Variants in NKD2 observed in about 807,000 individuals in gnomAD.
NKD2 encodes NKD inhibitor of Wnt signaling pathway 2.
Under a neutral mutation model 34.8 loss-of-function variants are expected in NKD2, and 43 were observed. The ratio of observed to expected loss-of-function variants is 1.24; its 90% CI spans 0.97 to 1.60. NKD2 has a LOEUF of 1.60. Ranked by LOEUF, NKD2 falls within the 40% of genes most tolerant of loss-of-function variation. The pLI, the probability that NKD2 is intolerant of heterozygous loss-of-function variation, is 0.00. For synonymous variants in NKD2, 278 were observed against 265.1 expected (o/e 1.05, Z -0.47); for missense variants, 675 against 627.1 (o/e 1.08, Z -0.82).
intron 3 of NKD2, among the ~76,000 whole-genome samples, chr5:1,030,599 G>T (rs1242306732): frequency 6.6e-6 from 1 of 152,200 alleles, no homozygotes; most frequent in East Asian, 1.9e-4. Flanking sequence ...TTGGTTTTAT[G>T]CCAGCGTCCA....
intron 3 of NKD2, among the ~76,000 whole-genome samples, chr5:1,020,669 CTTTTTT>C (rs576773512): frequency 2.6e-5 from 3 of 114,218 alleles, no homozygotes; most frequent in Admixed American, 1.8e-4. Flanking sequence ...TGTTGCTTGT[CTTTTTT>C]TTTTTTTTTT....
intron 4 of NKD2, 127 bp from the exon 5 acceptor site, chr5:1,033,245 C>T (rs1413460716): frequency 1.1e-6 from 1 of 926,480 alleles, no homozygotes; most frequent in Non-Finnish European, 1.6e-6. Flanking sequence ...CAAGATCGGG[C>T]TCTCAGCTCA....
intron 3 of NKD2, among the ~76,000 whole-genome samples, chr5:1,031,260 G>T (rs1382616848): frequency 6.6e-6 from 1 of 152,164 alleles, no homozygotes; most frequent in African/African-American, 2.4e-5. Flanking sequence ...GGACTGTGAG[G>T]GCAGTCCCAG....
intron 3 of NKD2, among the ~76,000 whole-genome samples, chr5:1,015,108 G>C (rs1009435547): frequency 3.3e-5 from 5 of 152,234 alleles, no homozygotes; most frequent in African/African-American, 1.2e-4. Flanking sequence ...AGGTGTGGCC[G>C]GGCCCCTTCC....
At chr5:1,031,887 G>C (rs1169240059) in intron 3 of NKD2, among the ~76,000 whole-genome samples, 10 of 152,188 alleles carry the variant, frequency 6.6e-5, no homozygotes, top group African/African-American at 2.4e-5. Context: ...AGCACTGACT[G>C]AAGGGGTCAT....
intron 4 of NKD2, 36 bp from the exon 5 acceptor site, chr5:1,033,336 C>G (rs1156990315): frequency 6.4e-7 from 1 of 1,564,224 alleles, no homozygotes. Flanking sequence ...TCCATGTGCC[C>G]TCTGCCAGCC....
intron 9 of NKD2, chr5:1,036,839 G>GGCAGTGTGGACA: frequency 2.2e-6 from 1 of 455,940 alleles, no homozygotes; most frequent in Non-Finnish European, 4.4e-6. Context: ...GTGGACAACA[G>GGCAGTGTGGACA]ACAGTGTCGA....
chr5:1,038,265 C>T lies in NKD2; in HGVS notation c.1248C>T (p.Pro416=), dbSNP rs865786931. 10 of 1,578,120 alleles carry T rather than the reference C, an allele frequency of 6.3e-6. No individual in the cohort carries two copies. Among genetic ancestry groups the T allele is most frequent in the Non-Finnish European group, 7.7e-6 (9 of 1,166,302 alleles). ...VEHEVVRDLP[P]TPAGEGYAVP... ...ACGAGGTGGTGCGGGACCTGCCGCC[C>T]ACGCCAGCAGGAGAGGGCTACGCGG... The change falls in exon 10 of 10, where the codon CCC becomes CCT. Residue 416 remains proline, a synonymous_variant. Coordinates refer to ENST00000296849, the MANE Select transcript of NKD2 (RefSeq NM_033120.4). This position sits in a 1 kb window ranked among gnomAD's most constrained non-coding sequence, Gnocchi z 4.5.
chr5:1,012,856 C>T (rs972193494), intron 3 of NKD2, among the ~76,000 whole-genome samples: 18 of 152,308 alleles, frequency 1.2e-4, no homozygotes, highest in South Asian at 6.2e-4. Flanking sequence ...CTGGATGTGG[C>T]AGTGGGATGC....
chr5:1,021,656 G>A (rs1225483034), intron 3 of NKD2, among the ~76,000 whole-genome samples: 2 of 152,062 alleles, frequency 1.3e-5, no homozygotes, highest in Middle Eastern at 3.4e-3. Context: ...GCCGGCTGCG[G>A]GGTTTCCAGA....
intron 3 of NKD2, among the ~76,000 whole-genome samples, chr5:1,021,953 C>A (rs919375219): frequency 1.3e-5 from 2 of 152,192 alleles, no homozygotes; most frequent in Non-Finnish European, 1.5e-5. Context: ...CCCAGGGCCG[C>A]CTGCAGCCTG....
chr5:1,012,698 G>A (rs540777616), intron 3 of NKD2, among the ~76,000 whole-genome samples: 2 of 152,344 alleles, frequency 1.3e-5, no homozygotes, highest in East Asian at 3.9e-4. Flanking sequence ...CTTCCGACTG[G>A]AACCAGCCAC....
chr5:1,021,195 C>T (rs953716473), intron 3 of NKD2, among the ~76,000 whole-genome samples: 9 of 152,172 alleles, frequency 5.9e-5, no homozygotes, highest in African/African-American at 1.4e-4. Flanking sequence ...ATTAAAAGAT[C>T]TCTCAAACCC....
intron 9 of NKD2, chr5:1,037,034 AGGCAGTGTGGACGGCG>A (rs1277958778): frequency 5.0e-5 from 18 of 356,444 alleles, no homozygotes; most frequent in Non-Finnish European, 9.4e-5. Context: ...GATGGCAGGC[AGGCAGTGTGGACGGCG>A]GGCAGTGTGG....
intron 3 of NKD2, among the ~76,000 whole-genome samples, chr5:1,020,470 C>A (rs758694707): frequency 6.6e-6 from 1 of 152,224 alleles, no homozygotes; most frequent in East Asian, 1.9e-4. Flanking sequence ...ACCTAGCTGA[C>A]GATGGAGACT....
chr5:1,036,525 C>A, intron 9 of NKD2, 141 bp downstream of exon 9: 1 of 670,156 alleles, frequency 1.5e-6, no homozygotes, highest in Admixed American at 2.6e-5. Context: ...CCACCCCACC[C>A]AGGACGGCAC....
At position 1,014,960 on chromosome 5, in the gene NKD2, C is replaced by T. The variant is rs562540116; in HGVS notation, c.141+5400C>T. ...CAGCCTCTGGACCCGGCTTCGGACC[C>T]GGTGCTGCCACTCACAGCCTGGCCA... On this transcript the variant is annotated intron_variant, in intron 3 of 9. Coordinates refer to ENST00000296849, the MANE Select transcript of NKD2 (RefSeq NM_033120.4). Among the ~76,000 whole-genome samples the T allele has an allele frequency of 5.9e-5, 9 of 152,348 alleles. No homozygotes were observed. In the South Asian group the frequency reaches 8.3e-4, roughly 14 times the overall value.
intron 3 of NKD2, among the ~76,000 whole-genome samples, chr5:1,014,212 C>T (rs1386820091): frequency 3.3e-5 from 5 of 152,142 alleles, no homozygotes; most frequent in Non-Finnish European, 5.9e-5. Context: ...ATTTGAATTC[C>T]TTTGAGGTTT....
intron 3 of NKD2, among the ~76,000 whole-genome samples, chr5:1,019,260 AC>A (rs1433361299): frequency 6.6e-6 from 1 of 152,046 alleles, no homozygotes; most frequent in Non-Finnish European, 1.5e-5. Flanking sequence ...CATCCCGAGA[AC>A]CCTGCAGCCT....
Sources: gnomAD v4.1 joint callset for allele counts (sites outside exome capture counted in the v4.1 genomes callset) on GRCh38, gnomAD v4.1.1 for gene constraint, Gnocchi (gnomAD v3.1) non-coding constraint, MANE v1.5 for transcripts, NCBI Gene and HGNC (gene_info 2026-07-23, HGNC 2026-07-21) for gene names.